PDZD2: variants seen among roughly 807,000 people sequenced by gnomAD.
PDZD2 encodes the protein PDZ domain-containing protein 2.
PDZD2 carries 90 observed loss-of-function variants against 220.7 expected under a neutral mutation model. That is an observed-to-expected ratio of 0.41 (90% CI 0.34 to 0.49). The LOEUF (loss-of-function observed/expected upper bound fraction) is 0.49. PDZD2 is among the 20% of genes least tolerant of loss of function. PDZD2 has a pLI of 0.28. For missense variants in PDZD2, 3,174 were observed against 3,608.5 expected, an observed-to-expected ratio of 0.88 and a Z score of 3.08; for synonymous variants, 1,375 against 1,450.5, an observed-to-expected ratio of 0.95 and a Z score of 1.18.
rs796227211 is a variant in PDZD2, at chr5:32,079,269, C to A, written c.3682+1663C>A. On this transcript the variant is annotated intron_variant, in intron 19 of 24. Coordinates refer to ENST00000438447, the MANE Select transcript of PDZD2 (RefSeq NM_178140.4). ...GTGAGACTCTGTCTCAAAAAAAAAA[C>A]AAAAAAAAAACAAAAAAAAAAAAGG... 6.4e-3 allele frequency among the ~76,000 whole-genome samples: 525 copies of A among 82,262 alleles called. 1 individual carries two copies. The highest frequency in any genetic ancestry group is 0.011 in the African/African-American group (195 of 18,278). The allele number at this position is 82,262 out of a possible 152,430, so 54.0% of individuals were successfully genotyped here. A position where few individuals can be genotyped will look rare whatever the true frequency, so the allele number is the denominator to read the frequency against.
In PDZD2 at chr5:32,102,324, C is replaced by T. The variant is rs541324056; in HGVS notation, c.8353+1085C>T. Among the ~76,000 whole-genome samples, 527 of 152,076 alleles carry T rather than the reference C, an allele frequency of 3.5e-3. 1 individual carries two copies. Among genetic ancestry groups the T allele is most frequent in the Non-Finnish European group, 6.0e-3 (410 of 67,970 alleles). ...CCCACCCAGGAGCAGGGGCTCAGCA[C>T]CCCTGTGGGCAGCCAGAGCGAAGCA... On this transcript the variant is annotated intron_variant, in intron 24 of 24. Coordinates refer to ENST00000438447, the MANE Select transcript of PDZD2 (RefSeq NM_178140.4).
intron 2 of PDZD2, among the ~76,000 whole-genome samples, chr5:31,875,535 G>A (rs1469473506): frequency 4.1e-5 from 6 of 146,762 alleles, no homozygotes; most frequent in African/African-American, 1.0e-4. Context: ...GCAGTGAGCC[G>A]AGATCACACT....
intron 2 of PDZD2, among the ~76,000 whole-genome samples, chr5:31,917,326 T>C (rs1157390372): frequency 1.3e-5 from 2 of 152,118 alleles, no homozygotes; most frequent in African/African-American, 2.4e-5. Flanking sequence ...GGTGGGAGGA[T>C]TGCTTGAGGC....
chr5:31,851,240 C>G (rs1184655852), intron 2 of PDZD2, among the ~76,000 whole-genome samples: 1 of 152,160 alleles, frequency 6.6e-6, no homozygotes, highest in Non-Finnish European at 1.5e-5. Context: ...CCACAACCCA[C>G]CAGTAAGAGT....
At chr5:31,732,542 C>T (rs1329643617) in intron 1 of PDZD2, among the ~76,000 whole-genome samples, 3 of 152,182 alleles carry the variant, frequency 2.0e-5, no homozygotes, top group Admixed American at 1.3e-4. Flanking sequence ...CATGGCAGGT[C>T]CCTCACATGG....
chr5:31,958,357 G>A (rs1406905307), intron 2 of PDZD2, among the ~76,000 whole-genome samples: 4 of 151,560 alleles, frequency 2.6e-5, no homozygotes, highest in Non-Finnish European at 4.4e-5. Context: ...GGGTTCAAGC[G>A]ATTCTCCTGT....
At position 31,958,536 on chromosome 5, in the gene PDZD2, T is replaced by C. The variant is rs1453707730; in HGVS notation, c.477-24619T>C. ...CCCCAAAGTGCCGGGATTACAGGTG[T>C]GAGCCACCACAGCTGGCTTATCTTG... On this transcript the variant is annotated intron_variant, in intron 2 of 24. Coordinates refer to ENST00000438447, the MANE Select transcript of PDZD2 (RefSeq NM_178140.4). Among the ~76,000 whole-genome samples the C allele has an allele frequency of 2.6e-5, 4 of 152,130 alleles. No individual in the cohort carries two copies. The East Asian group carries it at 7.7e-4, about 29-fold the overall frequency.
At chr5:31,961,559 A>G (rs757952308) in intron 2 of PDZD2, among the ~76,000 whole-genome samples, 17 of 152,100 alleles carry the variant, frequency 1.1e-4, no homozygotes, top group Non-Finnish European at 1.8e-4. Flanking sequence ...ATACAGCTTC[A>G]TTCATTGATC....
At chr5:31,675,758 G>T (rs1210233555) in intron 1 of PDZD2, among the ~76,000 whole-genome samples, 1 of 152,126 alleles carries the variant, frequency 6.6e-6, no homozygotes, top group Non-Finnish European at 1.5e-5. Flanking sequence ...GTGCAATGGA[G>T]TGATCTTGGC....
intron 1 of PDZD2, among the ~76,000 whole-genome samples, chr5:31,751,537 G>T (rs16901518): frequency 6.6e-6 from 1 of 152,114 alleles, no homozygotes; most frequent in South Asian, 2.1e-4. Context: ...CAGGAATTGC[G>T]TGGAAAGATG....
rs987286982 is a variant in PDZD2 at position 32,014,253 on chromosome 5, G to A, written c.1407+3771G>A. Among the ~76,000 whole-genome samples, 8 of 152,234 alleles carry A rather than the reference G, an allele frequency of 5.3e-5. No homozygotes were observed. In the East Asian group the frequency reaches 5.8e-4, roughly 11 times the overall value. ...ACTGTTTTTGCACCTGTATGTCGTC[G>A]TGTACTCCGAGCACTTAAGCTGAGC... On this transcript the variant is annotated intron_variant, in intron 6 of 24. Transcript: ENST00000438447.
chr5:31,754,838 A>G (rs1263594616), intron 1 of PDZD2, among the ~76,000 whole-genome samples: 2 of 152,214 alleles, frequency 1.3e-5, no homozygotes, highest in Non-Finnish European at 2.9e-5. Context: ...GGTGCTTGCA[A>G]TGCATAACCT....
Position 32,109,445 on chromosome 5 carries a change from A to ACT in PDZD2, c.*1310_*1311insCT. 1 of 152,218 alleles carries ACT rather than the reference A, an allele frequency of 6.6e-6. No individual in the cohort carries two copies. The highest frequency in any genetic ancestry group is 1.5e-5 in the Non-Finnish European group (1 of 68,026). 9.4% of individuals were successfully genotyped at this position (152,218 alleles called of 1,614,324 possible). ...CCTCTGGTGGCATGAGCTGCTTCCC[A>ACT]GTAGCTATTCCGATTGGATATTCCG... On this transcript the variant is annotated 3_prime_UTR_variant, in exon 25 of 25. Transcript: ENST00000438447.
chr5:31,845,844 T>A (rs564832751), intron 2 of PDZD2, among the ~76,000 whole-genome samples: 1 of 152,244 alleles, frequency 6.6e-6, no homozygotes, highest in Non-Finnish European at 1.5e-5. Context: ...CTTGGCATCC[T>A]GTATGTGTTC....
Position 32,007,714 on chromosome 5 carries a change from T to C in PDZD2, c.1255-2616T>C, listed in dbSNP as rs150037171. ...AATATGATTAAGACGTTCTGTGTGT[T>C]TCCTTCCTTGTGGAAATGGCCAACG... is the stretch of plus-strand genomic sequence containing the variant. On this transcript the variant is annotated intron_variant, in intron 5 of 24. Coordinates refer to ENST00000438447, the MANE Select transcript of PDZD2 (RefSeq NM_178140.4). Among the ~76,000 whole-genome samples, 756 of 152,342 alleles carry C rather than the reference T, an allele frequency of 5.0e-3. 3 individuals carry two copies. Among genetic ancestry groups the C allele is most frequent in the African/African-American group, 0.017 (724 of 41,570 alleles).
intron 2 of PDZD2, among the ~76,000 whole-genome samples, chr5:31,826,968 A>G (rs1268367658): frequency 1.3e-5 from 2 of 152,120 alleles, no homozygotes; most frequent in East Asian, 1.9e-4. Context: ...TGCTCTGTCA[A>G]TTGCTACCCA....
intron 2 of PDZD2, among the ~76,000 whole-genome samples, chr5:31,941,782 A>C (rs946472810): frequency 6.6e-6 from 1 of 152,224 alleles, no homozygotes; most frequent in Non-Finnish European, 1.5e-5. Context: ...TTGTTAGGGT[A>C]ATAGAAATTT....
At chr5:31,903,644 C>CAAAAAAAAAAA (rs59822169) in intron 2 of PDZD2, among the ~76,000 whole-genome samples, 3 of 99,690 alleles carry the variant, frequency 3.0e-5, no homozygotes, top group Admixed American at 1.1e-4. Flanking sequence ...GACCCTGTCT[C>CAAAAAAAAAAA]AAAAAAAAAA....
intron 2 of PDZD2, among the ~76,000 whole-genome samples, chr5:31,965,553 C>G (rs912969504): frequency 1.3e-5 from 2 of 152,166 alleles, no homozygotes; most frequent in African/African-American, 2.4e-5. Context: ...GTTACCGGCT[C>G]TAAGAGCTAG....
Sources: gnomAD v4.1 joint callset for allele counts (sites outside exome capture counted in the v4.1 genomes callset) on GRCh38, gnomAD v4.1.1 for gene constraint, MANE v1.5 for transcripts, NCBI Gene and HGNC (gene_info 2026-07-23, HGNC 2026-07-21) for gene names.